GPC5: variants seen among roughly 807,000 people sequenced by gnomAD.
The protein encoded by GPC5 is glypican-5.
Under a neutral mutation model 53.9 loss-of-function variants are expected in GPC5, and 47 were observed. That is an observed-to-expected ratio of 0.87 (90% CI 0.69 to 1.11). GPC5 has a LOEUF of 1.11. GPC5 is among the 50% of genes most tolerant of loss of function. The pLI, the probability that GPC5 is intolerant of heterozygous loss-of-function variation, is 0.00. For synonymous variants in GPC5, 286 were observed against 263.3 expected, an observed-to-expected ratio of 1.09 and a Z score of -0.84; for missense variants, 748 against 713.1, an observed-to-expected ratio of 1.05 and a Z score of -0.56.
At chr13:92,693,465 A>AACTT (rs1253232602) in intron 7 of GPC5, among the ~76,000 whole-genome samples, 3 of 152,170 alleles carry the variant, frequency 2.0e-5, no homozygotes, top group African/African-American at 7.2e-5. Context: ...GGAGATAAGT[A>AACTT]ACTTACTGGA....
chr13:92,435,084 T>A (rs1329005449), intron 7 of GPC5, among the ~76,000 whole-genome samples: 1 of 152,042 alleles, frequency 6.6e-6, no homozygotes, highest in African/African-American at 2.4e-5. Context: ...CCAGCTAATT[T>A]TTGTATTTTT....
At chr13:92,444,330 A>G (rs984372295) in intron 7 of GPC5, among the ~76,000 whole-genome samples, 1 of 152,170 alleles carries the variant, frequency 6.6e-6, no homozygotes, top group African/African-American at 2.4e-5. Flanking sequence ...GAAGCAAGAA[A>G]AAGGGAAAAG....
At chr13:92,494,968 C>G (rs538771407) in intron 7 of GPC5, among the ~76,000 whole-genome samples, 1 of 152,252 alleles carries the variant, frequency 6.6e-6, no homozygotes, top group Admixed American at 6.5e-5. Context: ...CTTAAAATTT[C>G]TGCCTTCACT....
intron 7 of GPC5, among the ~76,000 whole-genome samples, chr13:92,390,232 A>T (rs967768986): frequency 5.3e-5 from 8 of 152,146 alleles, no homozygotes; most frequent in African/African-American, 1.7e-4. Context: ...GATGAAGATA[A>T]TGCTGCTAGT....
At chr13:91,777,453 CA>C (rs1190752527) in intron 5 of GPC5, among the ~76,000 whole-genome samples, 1 of 152,142 alleles carries the variant, frequency 6.6e-6, no homozygotes, top group Non-Finnish European at 1.5e-5. Flanking sequence ...AATGTGAAGT[CA>C]CCTGAACATG....
chr13:92,463,819 G>T (rs540254297), intron 7 of GPC5, among the ~76,000 whole-genome samples: 2 of 152,070 alleles, frequency 1.3e-5, no homozygotes, highest in Non-Finnish European at 2.9e-5. Context: ...TTTTATTCCA[G>T]TTTCCACTAC....
chr13:91,633,455 G>T (rs1270121927), intron 2 of GPC5, among the ~76,000 whole-genome samples: 1 of 152,088 alleles, frequency 6.6e-6, no homozygotes, highest in Non-Finnish European at 1.5e-5. Flanking sequence ...TTGTGAGTGT[G>T]GAGCCACTGT....
chr13:91,681,783 C>G (rs1488649981), intron 2 of GPC5, among the ~76,000 whole-genome samples: 1 of 152,082 alleles, frequency 6.6e-6, no homozygotes, highest in Non-Finnish European at 1.5e-5. Flanking sequence ...GACTTCAATG[C>G]AACACATAGC....
intron 6 of GPC5, among the ~76,000 whole-genome samples, chr13:92,081,958 A>G (rs906605170): frequency 4.6e-5 from 7 of 152,188 alleles, no homozygotes; most frequent in Non-Finnish European, 8.8e-5. Flanking sequence ...ACACCAATCC[A>G]AGAAAGTTAT....
intron 5 of GPC5, among the ~76,000 whole-genome samples, chr13:91,902,014 T>C (rs2039503121): frequency 1.3e-5 from 2 of 152,042 alleles, no homozygotes; most frequent in African/African-American, 4.8e-5. Context: ...CATCTACTAT[T>C]AATGATTTAT....
At chr13:91,787,784 T>C (rs1056382471) in intron 5 of GPC5, among the ~76,000 whole-genome samples, 3 of 152,206 alleles carry the variant, frequency 2.0e-5, no homozygotes, top group Non-Finnish European at 4.4e-5. Flanking sequence ...AGATGCAATT[T>C]TTCAATAACA....
Position 91,807,258 on chromosome 13 carries a change from A to G in GPC5, c.1280+50838A>G, listed in dbSNP as rs75454458. Reference sequence around the variant, plus strand: ...TACAGATGCAGGCAGAAATATGTAAATAGAGTTATAATCACCCCACATCTT... The same window carrying G: ...TACAGATGCAGGCAGAAATATGTAAGTAGAGTTATAATCACCCCACATCTT... On this transcript the variant is annotated intron_variant, in intron 5 of 7. Transcript: ENST00000377067. 9.7e-3 allele frequency among the ~76,000 whole-genome samples: 1,484 copies of G among 152,294 alleles called. 20 individuals carry two copies. Among genetic ancestry groups the G allele is most frequent in the African/African-American group, 0.034 (1,423 of 41,576 alleles).
chr13:92,462,288 G>A (rs2139411529), intron 7 of GPC5, among the ~76,000 whole-genome samples: 1 of 152,250 alleles, frequency 6.6e-6, no homozygotes, highest in East Asian at 1.9e-4. Flanking sequence ...TAACATACAA[G>A]GTGAGAGGTG....
intron 5 of GPC5, among the ~76,000 whole-genome samples, chr13:91,830,667 C>T (rs183129128): frequency 1.7e-4 from 26 of 149,678 alleles, no homozygotes; most frequent in Admixed American, 1.3e-3. Context: ...CCGGTCCCTC[C>T]GTTTGGGGTC....
At chr13:91,795,498 G>A (rs556776460) in intron 5 of GPC5, among the ~76,000 whole-genome samples, 1 of 152,166 alleles carries the variant, frequency 6.6e-6, no homozygotes, top group East Asian at 1.9e-4. Context: ...GCCATGATTT[G>A]TTGATTGCTT....
At chr13:91,434,634 A>G (rs2139038496) in intron 1 of GPC5, among the ~76,000 whole-genome samples, 1 of 152,212 alleles carries the variant, frequency 6.6e-6, no homozygotes, top group Non-Finnish European at 1.5e-5. Context: ...GTCAGGTAGC[A>G]TGATGCCTCC....
intron 7 of GPC5, among the ~76,000 whole-genome samples, chr13:92,619,301 T>C (rs1031647317): frequency 2.6e-5 from 4 of 151,966 alleles, no homozygotes; most frequent in African/African-American, 9.7e-5. Context: ...ATAGCCTTGA[T>C]AACTTCATTT....
chr13:91,593,660 G>A (rs2032887042), intron 2 of GPC5, among the ~76,000 whole-genome samples: 1 of 152,104 alleles, frequency 6.6e-6, no homozygotes, highest in African/African-American at 2.4e-5. Flanking sequence ...TACTTGGCTA[G>A]ACCCAGCAGA....
At chr13:91,749,562 G>A (rs1191781119) in intron 4 of GPC5, among the ~76,000 whole-genome samples, 2 of 152,132 alleles carry the variant, frequency 1.3e-5, no homozygotes, top group Non-Finnish European at 2.9e-5. Context: ...TGCTGGGATA[G>A]TGGAATTTCC....
Sources: allele counts gnomAD v4.1 joint callset (sites outside exome capture counted in the v4.1 genomes callset), GRCh38; gene constraint gnomAD v4.1.1; transcripts MANE v1.5; gene names NCBI Gene and HGNC (gene_info 2026-07-23, HGNC 2026-07-21).